PROX2: variants seen among roughly 807,000 people sequenced by gnomAD.
PROX2 encodes prospero homeobox protein 2.
PROX2 carries 46 observed loss-of-function variants against 48.9 expected under a neutral mutation model. The observed-to-expected ratio is 0.94, with a 90% CI of 0.74 to 1.20. The LOEUF (loss-of-function observed/expected upper bound fraction) is 1.20. Among genes scored for constraint, PROX2 ranks in the 50% most tolerant of loss-of-function variants. PROX2 has a pLI of 0.00. For synonymous variants in PROX2, 260 were observed against 276.6 expected, an observed-to-expected ratio of 0.94 and a Z score of 0.60; for missense variants, 663 against 719.4, an observed-to-expected ratio of 0.92 and a Z score of 0.90.
chr14:74,853,769 C>T lies in PROX2; in HGVS notation c.*1363G>A, dbSNP rs1012853617. 1 of 152,126 alleles carries T rather than the reference C, an allele frequency of 6.6e-6. No homozygotes were observed. Among genetic ancestry groups the T allele is most frequent in the Non-Finnish European group, 1.5e-5 (1 of 68,058 alleles). The allele number at this position is 152,126 out of a possible 1,614,324, so 9.4% of individuals were successfully genotyped here. On this transcript the variant is annotated 3_prime_UTR_variant, in exon 6 of 6. Coordinates refer to ENST00000556489, the MANE Select transcript of PROX2 (RefSeq NM_001243007.2). The stretch of plus-strand genomic sequence containing the variant: ...AGCCCGAGCTGTGTATTACCCCCAC[C>T]CCACCCCACCCGGCGTACCTTTGGC...
chr14:74,868,562 C>T (rs943288858), intron 2 of PROX2, among the ~76,000 whole-genome samples: 10 of 151,478 alleles, frequency 6.6e-5, no homozygotes, highest in Non-Finnish European at 8.8e-5. Context: ...AGGCCGGGCG[C>T]GGTGGCTCAC....
At chr14:74,868,086 C>T (rs1431556377) in intron 2 of PROX2, among the ~76,000 whole-genome samples, 1 of 152,012 alleles carries the variant, frequency 6.6e-6, no homozygotes, top group Non-Finnish European at 1.5e-5. Flanking sequence ...CTCATATTCA[C>T]TGATGGAGGT....
chr14:74,858,812 T>TGTGGG, intron 3 of PROX2: 2 of 178,710 alleles, frequency 1.1e-5, no homozygotes, highest in South Asian at 6.1e-5. Context: ...GTGTGTGTGG[T>TGTGGG]GTCTTAGATG....
intron 2 of PROX2, among the ~76,000 whole-genome samples, chr14:74,867,681 G>A (rs2140172014): frequency 6.6e-6 from 1 of 152,342 alleles, no homozygotes; most frequent in East Asian, 1.9e-4. Context: ...CAGAAAGACA[G>A]ACGGGTAGAT....
Position 74,862,554 on chromosome 14 carries a change from C to G in PROX2, c.1281G>C (p.Glu427Asp), listed in dbSNP as rs1006652278. The change falls in exon 3 of 6, where the codon GAG (glutamate) becomes GAC (aspartate). Residue 427 changes from glutamate to aspartate, a missense_variant. Transcript: ENST00000556489. ...TGTGGACCAAAGAGAAAGGCAGTGC[C>G]TCCATGACAGCATGCAGGCCTCTCT... ...MEQRGLHAVM[E>D]ALPFSLVHIQ... The G allele has an allele frequency of 1.2e-6, 2 of 1,613,574 alleles. No individual in the cohort carries two copies. Among genetic ancestry groups the G allele is most frequent in the African/African-American group, 2.7e-5 (2 of 74,932 alleles).
chr14:74,864,539 A>T (rs956200030), intron 2 of PROX2, among the ~76,000 whole-genome samples: 45 of 152,314 alleles, frequency 3.0e-4, no homozygotes, highest in African/African-American at 7.9e-4. Context: ...CACCCAAGGC[A>T]CTTCTAGAAA....
chr14:74,857,157 C>A (rs2091750705), intron 4 of PROX2, 162 bp from the exon 5 acceptor site: 1 of 589,426 alleles, frequency 1.7e-6, no homozygotes, highest in Admixed American at 2.9e-5. Context: ...ATTTTCCAAG[C>A]CTATTTAGTT....
chr14:74,859,353 G>T lies in PROX2; in HGVS notation c.1306-839C>A, dbSNP rs551152560. ...TCTAGACTGTGAGCTCCTTGAGAGT[G>T]AGGACCTTATCTTTTCATCTTTGTG... is the stretch of plus-strand genomic sequence containing the variant. On this transcript the variant is annotated intron_variant, in intron 3 of 5. Transcript: ENST00000556489. 6 of 152,358 alleles carry T rather than the reference G, an allele frequency of 3.9e-5. No homozygotes were observed. The South Asian group carries it at 1.2e-3, about 32-fold the overall frequency. The allele number at this position is 152,358 out of a possible 1,614,324, so 9.4% of individuals were successfully genotyped here.
At chr14:74,868,710 G>A (rs1337594462) in intron 2 of PROX2, among the ~76,000 whole-genome samples, 4 of 151,716 alleles carry the variant, frequency 2.6e-5, no homozygotes, top group African/African-American at 9.7e-5. Context: ...GGTGGCGGGC[G>A]CCTGTAGTCC....
intron 4 of PROX2, 64 bp from the exon 5 acceptor site, chr14:74,857,059 C>A: frequency 7.2e-7 from 1 of 1,387,460 alleles, no homozygotes; most frequent in Non-Finnish European, 1.0e-6. Flanking sequence ...TTAGAACTGT[C>A]TGCTTCCAGC....
At chr14:74,871,719 C>T (rs13379370) in intron 1 of PROX2, 26,514 of 152,432 alleles carry the variant, frequency 0.17, 2,533 homozygotes, top group South Asian at 0.29. Context: ...CTATAGTGAG[C>T]CATGATAGCA....
Position 74,863,293 on chromosome 14 carries a change from CA to C in PROX2, c.541del (p.Cys181ValfsTer43). The stretch of plus-strand genomic sequence containing the variant: ...GTCCACAACCCAGGGGCGAGGCCCA[CA>C]GCCATTCCCCTGCTTTGCACTCAGA... Reference protein sequence around the residue: ...GPLSAKQGNGCGPRPWVVDGD... With the variant: ...GPLSAKQGNGXGPRPWVVDGD... On this transcript the variant is annotated frameshift_variant, in exon 3 of 6. Coordinates refer to ENST00000556489, the MANE Select transcript of PROX2 (RefSeq NM_001243007.2). LOFTEE classifies it high-confidence loss of function. The C allele has an allele frequency of 6.2e-7, 1 of 1,614,056 alleles. No individual in the cohort carries two copies. The highest frequency in any genetic ancestry group is 8.5e-7 in the Non-Finnish European group (1 of 1,179,882).
Position 74,863,811 on chromosome 14 carries a change from A to T in PROX2, c.24T>A (p.Leu8=). The T allele has an allele frequency of 6.6e-7, 1 of 1,507,462 alleles. No homozygotes were observed. The highest frequency in any genetic ancestry group is 1.4e-5 in the African/African-American group (1 of 71,520). 93.4% of individuals were successfully genotyped at this position (1,507,462 alleles called of 1,614,324 possible). A position where few individuals can be genotyped will look rare whatever the true frequency, so the allele number is the denominator to read the frequency against. Residue 8 remains leucine, a synonymous_variant, in exon 3 of 6, where the codon CTT becomes CTA. Transcript: ENST00000556489. ...GGGAGCAGATCTGGGGCTGAGGAGA[A>T]AGCAAGATGGAGTTTGGATCCATCC... is the stretch of plus-strand genomic sequence containing the variant. MDPNSIL[L]SPQPQICSHL... is the part of the protein sequence containing the mutation.
Position 74,867,120 on chromosome 14 carries a change from GGTATTA to G in PROX2, c.-174-3118_-174-3113del, listed in dbSNP as rs560268541. On this transcript the variant is annotated intron_variant, in intron 2 of 5. Coordinates refer to ENST00000556489, the MANE Select transcript of PROX2 (RefSeq NM_001243007.2). ...CCATTTTCCCCATGACATTGCCACT[GGTATTA>G]ATCTTCTAAAATGTAGCTAGCTCTG... is the stretch of plus-strand genomic sequence containing the variant. Among the ~76,000 whole-genome samples the G allele has an allele frequency of 6.9e-4, 105 of 152,270 alleles. 1 individual carries two copies. The highest frequency in any genetic ancestry group is 2.4e-3 in the African/African-American group (101 of 41,556).
At position 74,858,845 on chromosome 14, in the gene PROX2, TG is replaced by T. The variant is rs1566778561; in HGVS notation, c.1306-332del. The T allele has an allele frequency of 5.5e-3, 318 of 57,702 alleles. 14 individuals are homozygous for T. Among genetic ancestry groups the T allele is most frequent in the African/African-American group, 0.019 (189 of 9,772 alleles). 3.6% of individuals were successfully genotyped at this position (57,702 alleles called of 1,614,324 possible). ...ATGTCAAATACAGGTTGGTGTATTG[TG>T]TGTGTGTGTGTGTGTGTGTGTGTGT... On this transcript the variant is annotated intron_variant, in intron 3 of 5. Transcript: ENST00000556489.
At chr14:74,857,702 C>CT (rs1188822176) in intron 4 of PROX2, 2 of 151,622 alleles carry the variant, frequency 1.3e-5, no homozygotes, top group Non-Finnish European at 2.9e-5. Flanking sequence ...TTGACAGTGT[C>CT]TGACACTCTG....
At chr14:74,867,996 C>T (rs773324693) in intron 2 of PROX2, among the ~76,000 whole-genome samples, 3 of 152,140 alleles carry the variant, frequency 2.0e-5, no homozygotes, top group Non-Finnish European at 1.5e-5. Context: ...CTGAGGCCGG[C>T]GTGCTGCCCA....
Position 74,854,325 on chromosome 14 carries a change from A to C in PROX2, c.*807T>G. On this transcript the variant is annotated 3_prime_UTR_variant, in exon 6 of 6. Transcript: ENST00000556489. The stretch of plus-strand genomic sequence containing the variant: ...TCTTGAGTTTGCTGAAATGATCAGC[A>C]GAAATCTTGGGCGGTGAAGTGCTCC... 2.3e-6 allele frequency: 1 copy of C among 425,772 alleles called. No individual in the cohort carries two copies. Among genetic ancestry groups the C allele is most frequent in the Non-Finnish European group, 4.7e-6 (1 of 211,548 alleles). 26.4% of individuals were successfully genotyped at this position (425,772 alleles called of 1,614,324 possible). A position where few individuals can be genotyped will look rare whatever the true frequency, so the allele number is the denominator to read the frequency against.
intron 3 of PROX2, among the ~76,000 whole-genome samples, chr14:74,860,886 G>A (rs537838553): frequency 2.0e-5 from 3 of 152,236 alleles, no homozygotes; most frequent in East Asian, 3.9e-4. Flanking sequence ...AGACTGAGGT[G>A]TTTTTGCAGC....
Sources: gnomAD v4.1 joint callset for allele counts (sites outside exome capture counted in the v4.1 genomes callset) on GRCh38, gnomAD v4.1.1 for gene constraint, MANE v1.5 for transcripts, NCBI Gene and HGNC (gene_info 2026-07-23, HGNC 2026-07-21) for gene names.